Variants in TTC28 observed in about 807,000 individuals in gnomAD.
The protein encoded by TTC28 is tetratricopeptide repeat domain 28.
TTC28 carries 61 observed loss-of-function variants against 198.0 expected under a neutral mutation model. The observed-to-expected ratio is 0.31, with a 90% CI of 0.25 to 0.38. The LOEUF (loss-of-function observed/expected upper bound fraction) is 0.38, where lower values mean the gene tolerates loss of function less well. Ranked by LOEUF, TTC28 falls within the 10% of genes least tolerant of loss-of-function variation. The pLI is 1.00. For synonymous variants in TTC28, 1,171 were observed against 1,297.8 expected (o/e 0.90, Z 2.10); for missense variants, 2,678 against 3,164.0 (o/e 0.85, Z 3.69).
intron 2 of TTC28, among the ~76,000 whole-genome samples, chr22:28,546,622 T>G (rs879330217): frequency 5.3e-5 from 8 of 152,146 alleles, no homozygotes; most frequent in Admixed American, 5.2e-4. Context: ...ATCTAGGTCT[T>G]TACCCAAGAG....
chr22:28,536,198 C>CAAA (rs59506221), intron 2 of TTC28, among the ~76,000 whole-genome samples: 76 of 64,292 alleles, frequency 1.2e-3, no homozygotes, highest in East Asian at 1.5e-3. Context: ...GACACCGTCT[C>CAAA]AAAAAAAAAA....
chr22:28,621,897 G>A (rs940450727), intron 2 of TTC28, among the ~76,000 whole-genome samples: 1 of 152,090 alleles, frequency 6.6e-6, no homozygotes, highest in African/African-American at 2.4e-5. Flanking sequence ...AACCTAGTGG[G>A]AGAACTCAAA....
chr22:28,516,190 A>G (rs900800281), intron 2 of TTC28, among the ~76,000 whole-genome samples: 5 of 152,144 alleles, frequency 3.3e-5, no homozygotes, highest in Non-Finnish European at 7.3e-5. Flanking sequence ...TTGGAAAATA[A>G]ATGATTTTAT....
chr22:28,170,125 A>G (rs1358926923), intron 5 of TTC28, among the ~76,000 whole-genome samples: 1 of 152,166 alleles, frequency 6.6e-6, no homozygotes, highest in Non-Finnish European at 1.5e-5. Context: ...TGACATTTCT[A>G]ACATTAATTA....
chr22:28,239,191 C>A lies in TTC28; in HGVS notation c.933+57007G>T, dbSNP rs568505434. Among the ~76,000 whole-genome samples the A allele has an allele frequency of 5.3e-5, 8 of 152,202 alleles. No homozygotes were observed. In the South Asian group the frequency reaches 8.3e-4, roughly 16 times the overall value. ...AAAGCAGAATTTTTACTTTTCTTTCCTTTTGCTTCAATTTCCCTTCTAACA... is the reference window on the plus strand; with the variant it reads ...AAAGCAGAATTTTTACTTTTCTTTCATTTTGCTTCAATTTCCCTTCTAACA... On this transcript the variant is annotated intron_variant, in intron 5 of 22. Coordinates refer to ENST00000397906, the MANE Select transcript of TTC28 (RefSeq NM_001145418.2).
Position 28,410,567 on chromosome 22 carries a change from T to C in TTC28, c.382-103924A>G, listed in dbSNP as rs548841084. ...ATTCGTGTGAGAGAGAAGAGGAAAC[T>C]GTGAATCCTAAGCACAGACCTTAGT... On this transcript the variant is annotated intron_variant, in intron 2 of 22. Transcript: ENST00000397906. Among the ~76,000 whole-genome samples the C allele has an allele frequency of 2.3e-4, 35 of 152,320 alleles. 1 individual carries two copies. The highest frequency in any genetic ancestry group is 4.6e-4 in the Admixed American group (7 of 15,306).
In TTC28 at chr22:28,482,242, GTCTC is replaced by G. The variant is rs918366144; in HGVS notation, c.381+147306_381+147309del. 2.0e-4 allele frequency among the ~76,000 whole-genome samples: 23 copies of G among 114,948 alleles called. No individual in the cohort carries two copies. In the Admixed American group the frequency reaches 2.5e-3, roughly 13 times the overall value. 75.4% of individuals were successfully genotyped at this position (114,948 alleles called of 152,430 possible). ...TTTTTTTTTTTTTTTTTGAGACGGA[GTCTC>G]TCTCTCCCAGTGTGGAGTGCAGTGG... On this transcript the variant is annotated intron_variant, in intron 2 of 22. Transcript: ENST00000397906.
chr22:28,088,124 G>A (rs1941681807), intron 12 of TTC28, among the ~76,000 whole-genome samples: 1 of 152,064 alleles, frequency 6.6e-6, no homozygotes, highest in Non-Finnish European at 1.5e-5. Context: ...TCCCCATCAA[G>A]CTACCAATGA....
chr22:28,038,074 G>A (rs1010446887), intron 12 of TTC28, among the ~76,000 whole-genome samples: 23 of 152,122 alleles, frequency 1.5e-4, no homozygotes, highest in Non-Finnish European at 2.5e-4. Context: ...AATCAATATC[G>A]TGAAAATGGC....
rs950002602 is a variant in TTC28, at chr22:28,086,159, G to A, written c.3932+7921C>T. Among the ~76,000 whole-genome samples, 8 of 152,072 alleles carry A rather than the reference G, an allele frequency of 5.3e-5. 1 individual carries two copies. The highest frequency in any genetic ancestry group is 1.2e-4 in the African/African-American group (5 of 41,512). Reference sequence around the variant, plus strand: ...AATTGAACTCAGCTCTGCACTAAGCGGACCTAATAGACATCTACAGAACTC... The same window carrying A: ...AATTGAACTCAGCTCTGCACTAAGCAGACCTAATAGACATCTACAGAACTC... On this transcript the variant is annotated intron_variant, in intron 12 of 22. Coordinates refer to ENST00000397906, the MANE Select transcript of TTC28 (RefSeq NM_001145418.2).
chr22:28,277,232 C>A (rs549036087), intron 5 of TTC28, among the ~76,000 whole-genome samples: 1 of 152,256 alleles, frequency 6.6e-6, no homozygotes, highest in East Asian at 1.9e-4. Context: ...ATAAGCAATT[C>A]AATGGTGATT....
At chr22:28,001,796 A>G (rs1937707159) in intron 14 of TTC28, 2 of 547,862 alleles carry the variant, frequency 3.7e-6, no homozygotes, top group Admixed American at 3.0e-5. Flanking sequence ...CAGTCCTGAG[A>G]AGGTTAGAGG....
chr22:28,356,017 T>C (rs892739541), intron 2 of TTC28, among the ~76,000 whole-genome samples: 2 of 152,234 alleles, frequency 1.3e-5, no homozygotes, highest in Non-Finnish European at 2.9e-5. Flanking sequence ...TGAAAACTTT[T>C]GAACCTCAGT....
intron 2 of TTC28, among the ~76,000 whole-genome samples, chr22:28,535,330 G>A (rs1352458181): frequency 1.3e-5 from 2 of 152,060 alleles, no homozygotes; most frequent in Admixed American, 6.5e-5. Flanking sequence ...ACACCACAGA[G>A]GCCTACTTTG....
intron 2 of TTC28, among the ~76,000 whole-genome samples, chr22:28,582,245 A>C (rs1263390749): frequency 6.6e-6 from 1 of 152,208 alleles, no homozygotes; most frequent in African/African-American, 2.4e-5. Flanking sequence ...AAGATCCCAA[A>C]ACGCAGAAGC....
chr22:28,482,385 T>A (rs201219265), intron 2 of TTC28, among the ~76,000 whole-genome samples: 1 of 151,874 alleles, frequency 6.6e-6, no homozygotes, highest in East Asian at 1.9e-4. Flanking sequence ...ATTTTTTGTA[T>A]TTTTAGTAGA....
At chr22:28,365,468 A>G (rs904329775) in intron 2 of TTC28, among the ~76,000 whole-genome samples, 3 of 152,228 alleles carry the variant, frequency 2.0e-5, no homozygotes, top group Non-Finnish European at 4.4e-5. Flanking sequence ...GAAAACACAG[A>G]AGCAAGCTTT....
intron 2 of TTC28, among the ~76,000 whole-genome samples, chr22:28,524,342 C>T (rs915234777): frequency 1.3e-5 from 2 of 151,772 alleles, no homozygotes; most frequent in Non-Finnish European, 2.9e-5. Flanking sequence ...CGCCTGTAGT[C>T]CCAGCTACTC....
chr22:28,538,940 T>G (rs2049354405), intron 2 of TTC28, among the ~76,000 whole-genome samples: 1 of 152,116 alleles, frequency 6.6e-6, no homozygotes, highest in Non-Finnish European at 1.5e-5. Flanking sequence ...TGTGTGAACT[T>G]TTTTTTGACT....
Sources: allele counts gnomAD v4.1 joint callset (sites outside exome capture counted in the v4.1 genomes callset), GRCh38; gene constraint gnomAD v4.1.1; transcripts MANE v1.5; gene names NCBI Gene and HGNC (gene_info 2026-07-23, HGNC 2026-07-21).